The following SPAST variants were observed in gnomAD, a reference collection of about 807,000 sequenced individuals.
SPAST encodes spastic paraplegia 4 (autosomal dominant; spastin).
Under a neutral mutation model 76.6 loss-of-function variants are expected in SPAST, and 30 were observed. That is an observed-to-expected ratio of 0.39 (90% confidence interval 0.29 to 0.53). The LOEUF (loss-of-function observed/expected upper bound fraction) is 0.53, where lower values mean the gene tolerates loss of function less well. Ranked by LOEUF, SPAST falls within the 20% of genes least tolerant of loss-of-function variation. The pLI is 0.68. For synonymous variants in SPAST, 305 were observed against 281.0 expected (o/e 1.09, Z -0.86); for missense variants, 717 against 770.5 (o/e 0.93, Z 0.82).
At position 32,096,371 on chromosome 2, in the gene SPAST, G is replaced by C. The variant is rs1677914496; in HGVS notation, c.587-2425G>C. ...ACTCTCTTGAACCCATAAGGCAGAG[G>C]TTGCAATGAGCTGAGGTCGCACCAC... On this transcript the variant is annotated intron_variant, in intron 3 of 16. Transcript: ENST00000315285. Among the ~76,000 whole-genome samples, 7 of 152,182 alleles carry C rather than the reference G, an allele frequency of 4.6e-5. No individual in the cohort carries two copies. In the South Asian group the frequency reaches 1.5e-3, roughly 32 times the overall value.
At chr2:32,088,816 T>C (rs1265702972) in intron 2 of SPAST, among the ~76,000 whole-genome samples, 2 of 152,208 alleles carry the variant, frequency 1.3e-5, no homozygotes, top group Non-Finnish European at 2.9e-5. Flanking sequence ...GATATGGTTA[T>C]AACAACAATA....
At chr2:32,073,616 A>G (rs1318059420) in intron 1 of SPAST, among the ~76,000 whole-genome samples, 2 of 152,180 alleles carry the variant, frequency 1.3e-5, no homozygotes, top group Non-Finnish European at 2.9e-5. Flanking sequence ...GGCATGAGCC[A>G]CCATGCCTGG....
chr2:32,107,790 G>T (rs1220489758), intron 4 of SPAST, among the ~76,000 whole-genome samples: 1 of 152,102 alleles, frequency 6.6e-6, no homozygotes, highest in Non-Finnish European at 1.5e-5. Context: ...TGGCTTTATA[G>T]CTAATTTACA....
chr2:32,140,006 A>G (rs2148756732), intron 12 of SPAST, among the ~76,000 whole-genome samples: 1 of 152,314 alleles, frequency 6.6e-6, no homozygotes, highest in African/African-American at 2.4e-5. Context: ...AAGAATCAAT[A>G]TCGTTAAAAT....
At chr2:32,113,978 T>C (rs868627241) in intron 4 of SPAST, among the ~76,000 whole-genome samples, 7 of 151,492 alleles carry the variant, frequency 4.6e-5, no homozygotes, top group South Asian at 4.2e-4. Context: ...GGAATCTCTC[T>C]CTGTCGCCAG....
At chr2:32,100,549 G>A (rs1231844869) in intron 4 of SPAST, among the ~76,000 whole-genome samples, 1 of 151,928 alleles carries the variant, frequency 6.6e-6, no homozygotes, top group African/African-American at 2.4e-5. Flanking sequence ...CCATGTTGGT[G>A]TGCCGCACCC....
chr2:32,080,184 C>G (rs74576655), intron 1 of SPAST, among the ~76,000 whole-genome samples: 1 of 152,162 alleles, frequency 6.6e-6, no homozygotes, highest in Non-Finnish European at 1.5e-5. Context: ...TTATGATGCT[C>G]AGCATTTTGT....
At chr2:32,111,838 G>C (rs1313765509) in intron 4 of SPAST, among the ~76,000 whole-genome samples, 1 of 151,062 alleles carries the variant, frequency 6.6e-6, no homozygotes, top group African/African-American at 2.4e-5. Context: ...ACAAACATTT[G>C]TTACTTCTGA....
chr2:32,098,659 A>G (rs1678007420), intron 3 of SPAST, 137 bp from the exon 4 acceptor site: 2 of 594,520 alleles, frequency 3.4e-6, no homozygotes, highest in South Asian at 2.2e-5. Context: ...AATTTTATAT[A>G]AATGCAAAAA....
At chr2:32,091,557 G>A (rs1677717402) in intron 3 of SPAST, among the ~76,000 whole-genome samples, 1 of 149,768 alleles carries the variant, frequency 6.7e-6, no homozygotes, top group African/African-American at 2.4e-5. Context: ...GATAGGCCGG[G>A]CACGGTGGCT....
chr2:32,117,203 A>C (rs1678867361), intron 7 of SPAST, among the ~76,000 whole-genome samples: 1 of 152,178 alleles, frequency 6.6e-6, no homozygotes, highest in Admixed American at 6.5e-5. Flanking sequence ...CAGTGAGCCG[A>C]GATCACGCCA....
chr2:32,113,473 G>A (rs539672059), intron 4 of SPAST, among the ~76,000 whole-genome samples: 2 of 151,180 alleles, frequency 1.3e-5, no homozygotes, highest in Admixed American at 1.3e-4. Flanking sequence ...AAGTAGTCGA[G>A]TGCTACTTTT....
At chr2:32,125,912 AG>A (rs763050845) in intron 7 of SPAST, among the ~76,000 whole-genome samples, 16 of 152,198 alleles carry the variant, frequency 1.1e-4, no homozygotes, top group Non-Finnish European at 1.8e-4. Context: ...TTCCTGCCTC[AG>A]CCTCCTGAGT....
intron 1 of SPAST, among the ~76,000 whole-genome samples, chr2:32,067,416 A>G (rs1676565886): frequency 6.6e-6 from 1 of 152,118 alleles, no homozygotes; most frequent in East Asian, 1.9e-4. Flanking sequence ...GGTAGGATAA[A>G]AGGAGAAATT....
At chr2:32,068,299 G>A (rs538168740) in intron 1 of SPAST, among the ~76,000 whole-genome samples, 4 of 149,238 alleles carry the variant, frequency 2.7e-5, no homozygotes, top group South Asian at 4.3e-4. Flanking sequence ...TTCTAATGTG[G>A]ACATCAGAAT....
chr2:32,110,865 C>T (rs1678562641), intron 4 of SPAST, among the ~76,000 whole-genome samples: 1 of 111,306 alleles, frequency 9.0e-6, no homozygotes, highest in South Asian at 2.9e-4. Context: ...AGTATATATA[C>T]AGTATACTAT....
In SPAST at chr2:32,063,567, TGGGAGCCACCAGGCGGC is replaced by T; in HGVS notation, c.-262_-246del. On this transcript the variant is annotated 5_prime_UTR_variant, in exon 1 of 17. Transcript: ENST00000315285. ...AGACGTGCGCGTGCGCGGCCGCCGC[TGGGAGCCACCAGGCGGC>T]GGAGAGGACAGCGACAGGAAGGGAG... is the stretch of plus-strand genomic sequence containing the variant. 1 of 501,564 alleles carries T rather than the reference TGGGAGCCACCAGGCGGC, an allele frequency of 2.0e-6. No individual in the cohort carries two copies. 31.1% of individuals were successfully genotyped at this position (501,564 alleles called of 1,614,324 possible). A position where few individuals can be genotyped will look rare whatever the true frequency, so the allele number is the denominator to read the frequency against.
intron 1 of SPAST, among the ~76,000 whole-genome samples, chr2:32,082,052 G>A (rs1278122315): frequency 2.4e-5 from 3 of 122,906 alleles, no homozygotes; most frequent in Non-Finnish European, 4.8e-5. Context: ...TCTCAGTGGT[G>A]CGACCTCCCT....
chr2:32,107,897 T>G (rs1313143630), intron 4 of SPAST, among the ~76,000 whole-genome samples: 1 of 152,138 alleles, frequency 6.6e-6, no homozygotes, highest in Non-Finnish European at 1.5e-5. Flanking sequence ...TCTGTGATGT[T>G]TTACTTGGAT....
Sources: allele counts gnomAD v4.1 joint callset (sites outside exome capture counted in the v4.1 genomes callset), GRCh38; gene constraint gnomAD v4.1.1; transcripts MANE v1.5; gene names NCBI Gene and HGNC (gene_info 2026-07-23, HGNC 2026-07-21).